Variants in WDR43 observed in about 807,000 individuals in gnomAD.
WDR43 encodes the protein WD repeat domain 43, also known as WD repeat-containing protein 43.
In WDR43, 13 loss-of-function variants were observed where a neutral mutation model predicts 91.4. The observed-to-expected ratio is 0.14, with a 90% CI of 0.09 to 0.23. The LOEUF is 0.23. Ranked by LOEUF, WDR43 falls within the 10% of genes least tolerant of loss-of-function variation. The pLI is 1.00. For missense variants in WDR43, 780 were observed against 809.4 expected, an observed-to-expected ratio of 0.96 and a Z score of 0.44; for synonymous variants, 331 against 287.9, an observed-to-expected ratio of 1.15 and a Z score of -1.51.
intron 11 of WDR43, among the ~76,000 whole-genome samples, chr2:28,934,285 G>C (rs1056508349): frequency 3.9e-5 from 6 of 152,102 alleles, no homozygotes; most frequent in Non-Finnish European, 8.8e-5. Flanking sequence ...TGGAAGGAGG[G>C]ATACATTTAA....
Position 28,906,322 on chromosome 2 carries a change from C to A in WDR43, c.364-138C>A, listed in dbSNP as rs551235330. ...ATTGGCTCTATGTAGTTCTACTGAT[C>A]TGAAATATCCACGTGTGGGCCAGGA... On this transcript the variant is annotated intron_variant, in intron 2 of 17. Transcript: ENST00000407426. 4 of 790,846 alleles carry A rather than the reference C, an allele frequency of 5.1e-6. No homozygotes were observed. In the East Asian group the frequency reaches 1.2e-4, roughly 24 times the overall value. The allele number at this position is 790,846 out of a possible 1,614,324, so 49.0% of individuals were successfully genotyped here. A position where few individuals can be genotyped will look rare whatever the true frequency, so the allele number is the denominator to read the frequency against.
chr2:28,920,099 G>T (rs1167497503), intron 6 of WDR43, among the ~76,000 whole-genome samples: 1 of 152,024 alleles, frequency 6.6e-6, no homozygotes, highest in African/African-American at 2.4e-5. Flanking sequence ...GCCTGTCTCG[G>T]CCTCCCAAAG....
intron 6 of WDR43, among the ~76,000 whole-genome samples, chr2:28,918,231 AGAAAAG>A (rs1279733288): frequency 6.6e-6 from 1 of 152,204 alleles, no homozygotes; most frequent in African/African-American, 2.4e-5. Context: ...ATGTGAATTA[AGAAAAG>A]TTGTTCAGGT....
At chr2:28,929,006 C>T (rs1490090545) in intron 10 of WDR43, among the ~76,000 whole-genome samples, 1 of 152,114 alleles carries the variant, frequency 6.6e-6, no homozygotes, top group African/African-American at 2.4e-5. Context: ...CAAATTGCAT[C>T]ATGTTTATTT....
chr2:28,937,422 A>AT (rs150915832), intron 13 of WDR43, among the ~76,000 whole-genome samples: 65,126 of 151,584 alleles, frequency 0.43, 14,616 homozygotes, highest in Middle Eastern at 0.53. Flanking sequence ...TTCTTTAAAA[A>AT]TTTTTTTTCT....
intron 2 of WDR43, among the ~76,000 whole-genome samples, chr2:28,902,330 G>A (rs1670592973): frequency 6.6e-6 from 1 of 152,232 alleles, no homozygotes; most frequent in Non-Finnish European, 1.5e-5. Flanking sequence ...GTCAGAGTAT[G>A]AAGACTTATT....
intron 1 of WDR43, among the ~76,000 whole-genome samples, chr2:28,897,222 TAAAAC>T (rs915715050): frequency 7.9e-5 from 12 of 152,182 alleles, no homozygotes; most frequent in African/African-American, 2.4e-4. Flanking sequence ...TTTCTTGTAT[TAAAAC>T]AAACTTGCAC....
chr2:28,913,756 A>G (rs1389390099), intron 4 of WDR43: 1 of 552,258 alleles, frequency 1.8e-6, no homozygotes, highest in South Asian at 1.4e-5. Flanking sequence ...CACCCAAAGT[A>G]TGCCTTTTAA....
intron 3 of WDR43, among the ~76,000 whole-genome samples, chr2:28,909,701 C>G (rs961537189): frequency 2.0e-5 from 3 of 152,030 alleles, no homozygotes; most frequent in African/African-American, 4.8e-5. Flanking sequence ...AGTGAGAACC[C>G]CCTCTCTACA....
chr2:28,926,972 A>G, intron 9 of WDR43: 5 of 486,294 alleles, frequency 1.0e-5, no homozygotes, highest in South Asian at 5.9e-5. Flanking sequence ...ACAAAAGCAT[A>G]GGAGCATCAT....
intron 3 of WDR43, among the ~76,000 whole-genome samples, chr2:28,912,258 C>T (rs963939221): frequency 5.3e-5 from 8 of 152,096 alleles, no homozygotes; most frequent in Non-Finnish European, 8.8e-5. Flanking sequence ...TGGACATTCG[C>T]AAAGTTCATC....
chr2:28,923,682 C>T lies in WDR43; in HGVS notation c.914+699C>T, dbSNP rs1170284255. Among the ~76,000 whole-genome samples, 3 of 152,098 alleles carry T rather than the reference C, an allele frequency of 2.0e-5. No homozygotes were observed. In the East Asian group the frequency reaches 5.8e-4, roughly 29 times the overall value. ...TCAAAACACCCAGGATGCCCAAACA[C>T]TTGATTTTAAAACCTGAGTCTCCCT... On this transcript the variant is annotated intron_variant, in intron 7 of 17. Coordinates refer to ENST00000407426, the MANE Select transcript of WDR43 (RefSeq NM_015131.3).
intron 1 of WDR43, among the ~76,000 whole-genome samples, chr2:28,895,608 G>A (rs1476349580): frequency 1.3e-5 from 2 of 151,956 alleles, no homozygotes; most frequent in African/African-American, 4.8e-5. Flanking sequence ...GTCTGTATTA[G>A]GATGTGGAGG....
chr2:28,922,961 C>G lies in WDR43; in HGVS notation c.892C>G (p.Leu298Val). The G allele has an allele frequency of 1.2e-6, 2 of 1,610,378 alleles. No individual in the cohort carries two copies. Among genetic ancestry groups the G allele is most frequent in the South Asian group, 1.1e-5 (1 of 89,854 alleles). Residue 298 changes from leucine (L) to valine (V), a missense_variant, in exon 7 of 18, where the codon CTT becomes GTT. Physicochemically the swap from Leu to Val is conservative, Grantham distance 32. Transcript: ENST00000407426. ...TGTTTGCAGAGATGGTCAAGTCCAT[C>G]TTTTTGAACACATATTAAATGGGTA... ...AVVCRDGQVH[L>V]FEHILNGYCK...
intron 4 of WDR43, among the ~76,000 whole-genome samples, chr2:28,913,341 C>G (rs927773979): frequency 6.6e-6 from 1 of 151,664 alleles, no homozygotes; most frequent in Non-Finnish European, 1.5e-5. Flanking sequence ...AAAAACAAAA[C>G]AGATTTTGAC....
At chr2:28,939,321 A>G (rs1199823876) in intron 14 of WDR43, among the ~76,000 whole-genome samples, 1 of 152,192 alleles carries the variant, frequency 6.6e-6, no homozygotes, top group Non-Finnish European at 1.5e-5. Flanking sequence ...GGCAACACTA[A>G]TGTGGCCTCA....
In WDR43 at chr2:28,946,617, T is replaced by C; in HGVS notation, c.1872T>C (p.Asp624=). ...DKDSEDNWDE[D]EEESESEKDE... is the part of the protein sequence containing the mutation. ...TCGACTAGGATAATTGGGATGAAGA[T>C]GAGGAGGAGAGTGAAAGTGAAAAAG... The change falls in exon 18 of 18, where the codon GAT becomes GAC. Residue 624 remains aspartate, a synonymous_variant. Coordinates refer to ENST00000407426, the MANE Select transcript of WDR43 (RefSeq NM_015131.3). The C allele has an allele frequency of 6.4e-7, 1 of 1,557,612 alleles. No homozygotes were observed. The highest frequency in any genetic ancestry group is 8.7e-7 in the Non-Finnish European group (1 of 1,150,072).
chr2:28,908,616 C>A (rs990294803), intron 3 of WDR43, among the ~76,000 whole-genome samples: 4 of 152,186 alleles, frequency 2.6e-5, no homozygotes, highest in Admixed American at 2.0e-4. Flanking sequence ...GAACTTTAGC[C>A]CCACTTTGCT....
At chr2:28,895,311 C>G (rs957478116) in intron 1 of WDR43, 1 of 179,348 alleles carries the variant, frequency 5.6e-6, no homozygotes, top group Non-Finnish European at 1.2e-5. Flanking sequence ...TCTAACTTTC[C>G]TCTGTCTGTG....
Sources: allele counts gnomAD v4.1 joint callset (sites outside exome capture counted in the v4.1 genomes callset), GRCh38; gene constraint gnomAD v4.1.1; transcripts MANE v1.5; gene names NCBI Gene and HGNC (gene_info 2026-07-23, HGNC 2026-07-21).